The following SAXO5 variants were observed in gnomAD, a reference collection of about 807,000 sequenced individuals.
SAXO5 encodes the protein stabilizer of axonemal microtubules 5.
chr19:7,506,353 C>T, the SAXO5 span: 1 of 666,348 alleles, frequency 1.5e-6, no homozygotes, highest in East Asian at 2.8e-5. Context: ...GCCCTCCCCT[C>T]CCCCGGCTTC....
chr19:7,498,174 C>T, the SAXO5 span, among the ~76,000 whole-genome samples: 3 of 119,498 alleles, frequency 2.5e-5, no homozygotes, highest in Admixed American at 8.0e-5. Context: ...CACACATACA[C>T]ACACACACAC....
At chr19:7,507,006 C>G in the SAXO5 span, 3 of 1,491,636 alleles carry the variant, frequency 2.0e-6, no homozygotes, top group Non-Finnish European at 1.9e-6. Flanking sequence ...CACCCTCAGC[C>G]CCGCCTCGGC....
At chr19:7,501,333 A>G in the SAXO5 span, 22 of 1,567,774 alleles carry the variant, frequency 1.4e-5, no homozygotes, top group Non-Finnish European at 1.9e-5. Context: ...CCCGCCCACC[A>G]CGCACCAGGC....
the SAXO5 span, chr19:7,504,441 C>T: frequency 8.3e-6 from 13 of 1,571,818 alleles, no homozygotes; most frequent in South Asian, 1.3e-4. Flanking sequence ...GGCACGGTGG[C>T]TCATGCCTGT....
chr19:7,504,358 A>G, the SAXO5 span: 5 of 1,614,216 alleles, frequency 3.1e-6, no homozygotes, highest in South Asian at 4.4e-5. Flanking sequence ...GCTATGGATC[A>G]ACGTGTTCGG....
the SAXO5 span, chr19:7,499,812 A>C: frequency 6.6e-6 from 1 of 152,086 alleles, no homozygotes; most frequent in African/African-American, 2.4e-5. Context: ...GTCTCTAAAA[A>C]AAAAAATAGA....
chr19:7,502,909 G>A, the SAXO5 span, among the ~76,000 whole-genome samples: 1 of 152,104 alleles, frequency 6.6e-6, no homozygotes, highest in Admixed American at 6.6e-5. Context: ...GGACCCTTTG[G>A]GTGAACATTA....
At chr19:7,506,275 GC>G in the SAXO5 span, 1 of 942,768 alleles carries the variant, frequency 1.1e-6, no homozygotes. Flanking sequence ...CCCCCACGGA[GC>G]CCCGTCCCGG....
the SAXO5 span, chr19:7,506,967 C>T: frequency 1.9e-5 from 21 of 1,077,338 alleles, no homozygotes; most frequent in African/African-American, 3.2e-4. Context: ...CTGGGCTTGG[C>T]TCTTGAACCC....
chr19:7,504,310 G>T, the SAXO5 span: 9 of 1,614,216 alleles, frequency 5.6e-6, no homozygotes, highest in Non-Finnish European at 7.6e-6. Context: ...TCTGCCCACA[G>T]GCCTCCTCCG....
the SAXO5 span, among the ~76,000 whole-genome samples, chr19:7,501,945 TG>T: frequency 7.2e-6 from 1 of 137,940 alleles, no homozygotes; most frequent in Non-Finnish European, 1.6e-5. Flanking sequence ...GAGGAAGACT[TG>T]GGGGGTGGCG....
chr19:7,500,556 G>A, the SAXO5 span, among the ~76,000 whole-genome samples: 1 of 151,890 alleles, frequency 6.6e-6, no homozygotes. Flanking sequence ...GTGATCCACC[G>A]GCCTCGGCCT....
the SAXO5 span, chr19:7,506,196 GAGCCCCGCCCCGGGA>G: frequency 8.5e-6 from 13 of 1,529,494 alleles, no homozygotes; most frequent in Non-Finnish European, 1.1e-5. Flanking sequence ...CCGCCCCATG[GAGCCCCGCCCCGGGA>G]AGCCCCACCC....
the SAXO5 span, chr19:7,508,131 G>T: frequency 1.2e-5 from 16 of 1,290,914 alleles, no homozygotes; most frequent in Admixed American, 5.8e-5. Context: ...ATCAGGCCTG[G>T]AGATCCTGGG....
chr19:7,505,332 A>G, the SAXO5 span: 6 of 1,614,138 alleles, frequency 3.7e-6, no homozygotes, highest in Non-Finnish European at 5.1e-6. Flanking sequence ...AGGTATGACA[A>G]GGCCCAGGCC....
the SAXO5 span, chr19:7,508,072 C>G: frequency 1.5e-6 from 1 of 673,246 alleles, no homozygotes; most frequent in Non-Finnish European, 2.5e-6. Flanking sequence ...CAGACACTGG[C>G]TCCGCCCCGA....
At chr19:7,504,337 C>T in the SAXO5 span, 1 of 1,614,224 alleles carries the variant, frequency 6.2e-7, no homozygotes. Flanking sequence ...AGCTGGGAGA[C>T]TGCAAGATCA....
At chr19:7,500,151 A>G in the SAXO5 span, among the ~76,000 whole-genome samples, 14 of 151,972 alleles carry the variant, frequency 9.2e-5, 1 homozygote, top group Non-Finnish European at 2.1e-4. Context: ...CTCCCGCCCC[A>G]TTATCAATTC....
At chr19:7,500,941 G>A in the SAXO5 span, 4 of 1,576,958 alleles carry the variant, frequency 2.5e-6, no homozygotes, top group Admixed American at 5.1e-5. Flanking sequence ...GGCACCATGC[G>A]CACCACGTCG....
Sources: gnomAD v4.1 joint callset for allele counts (sites outside exome capture counted in the v4.1 genomes callset) on GRCh38, gnomAD v4.1.1 for gene constraint, MANE v1.5 for transcripts, NCBI Gene and HGNC (gene_info 2026-07-23, HGNC 2026-07-21) for gene names.